Variants in AXDND1 observed in about 807,000 individuals in gnomAD.
AXDND1 encodes axonemal dynein light chain domain containing 1.
A neutral mutation model predicts 137.5 loss-of-function variants in AXDND1; 110 were observed. The ratio of observed to expected loss-of-function variants is 0.80; its 90% CI spans 0.69 to 0.94. The LOEUF (loss-of-function observed/expected upper bound fraction) is 0.94. AXDND1 is among the 40% of genes least tolerant of loss of function. The probability of loss-of-function intolerance (pLI) is 0.00; values close to 1 mark genes in which losing one functional copy is unlikely to be tolerated. For missense variants in AXDND1, 1,191 were observed against 1,169.8 expected, an observed-to-expected ratio of 1.02 and a Z score of -0.26; for synonymous variants, 414 against 399.7, an observed-to-expected ratio of 1.04 and a Z score of -0.43.
chr1:179,456,429 C>T, intron 16 of AXDND1: 1 of 768,504 alleles, frequency 1.3e-6, no homozygotes, highest in Non-Finnish European at 2.4e-6. Context: ...TCCAAAACTG[C>T]TTCCACTACC....
In AXDND1 at chr1:179,552,258, C is replaced by T. The variant is rs1257107385; in HGVS notation, c.3032-2254C>T. 1.1e-5 allele frequency: 4 copies of T among 368,400 alleles called. No individual in the cohort carries two copies. In the East Asian group the frequency reaches 2.6e-4, roughly 24 times the overall value. The allele number at this position is 368,400 out of a possible 1,614,324, so 22.8% of individuals were successfully genotyped here. ...CTTGGGATACAGTTCTAGGGGATAC[C>T]TAGAAGTTAGAAGTTAGGGTGACTA... On this transcript the variant is annotated intron_variant, in intron 25 of 25. Coordinates refer to ENST00000367618, the MANE Select transcript of AXDND1 (RefSeq NM_144696.6).
At chr1:179,526,056 C>T (rs566732947) in intron 22 of AXDND1, among the ~76,000 whole-genome samples, 2 of 152,178 alleles carry the variant, frequency 1.3e-5, no homozygotes, top group South Asian at 2.1e-4. Context: ...ATCTACTTCT[C>T]ACTCTGGTAC....
chr1:179,418,026 G>GT (rs1275359563), intron 12 of AXDND1, among the ~76,000 whole-genome samples: 1 of 149,578 alleles, frequency 6.7e-6, no homozygotes, highest in East Asian at 2.0e-4. Context: ...ATTCTTGGGT[G>GT]TTTCTCGCAG....
intron 16 of AXDND1, among the ~76,000 whole-genome samples, chr1:179,462,345 C>T (rs896218561): frequency 1.1e-4 from 16 of 152,116 alleles, no homozygotes; most frequent in African/African-American, 3.6e-4. Context: ...TGCTGGATTA[C>T]ATTTATCGAT....
chr1:179,502,554 ACT>A (rs1668099102), intron 20 of AXDND1, among the ~76,000 whole-genome samples: 1 of 137,684 alleles, frequency 7.3e-6, no homozygotes, highest in Non-Finnish European at 1.6e-5. Flanking sequence ...AAAGAGCAAA[ACT>A]CTGTCTAAAA....
chr1:179,551,380 G>C, intron 25 of AXDND1: 1 of 1,614,078 alleles, frequency 6.2e-7, no homozygotes, highest in East Asian at 2.2e-5. Context: ...CGGCAGCAGG[G>C]GTGCCTGACA....
chr1:179,429,777 G>A (rs898630759), intron 13 of AXDND1, among the ~76,000 whole-genome samples, 158 bp downstream of exon 13: 8 of 151,388 alleles, frequency 5.3e-5, no homozygotes, highest in Non-Finnish European at 1.0e-4. Context: ...GTGAATAAAG[G>A]CCCTTATTTC....
chr1:179,417,527 A>G (rs1023657522), intron 12 of AXDND1, among the ~76,000 whole-genome samples: 2 of 152,068 alleles, frequency 1.3e-5, no homozygotes, highest in African/African-American at 4.8e-5. Flanking sequence ...ATTTTTGTAT[A>G]TGGTGAGAAA....
At chr1:179,466,172 T>G (rs71630224) in intron 16 of AXDND1, among the ~76,000 whole-genome samples, 25,481 of 151,954 alleles carry the variant, frequency 0.17, 2,487 homozygotes, top group East Asian at 0.35. Context: ...AGTTGGAAAT[T>G]CAGAAATCAC....
chr1:179,448,561 G>A, intron 16 of AXDND1: 1 of 311,452 alleles, frequency 3.2e-6, no homozygotes, highest in Non-Finnish European at 6.3e-6. Flanking sequence ...AAGGGCTACA[G>A]CTGAAATTTT....
At chr1:179,532,866 C>T (rs2125703997) in intron 23 of AXDND1, 1 of 151,594 alleles carries the variant, frequency 6.6e-6, no homozygotes, top group African/African-American at 2.4e-5. Context: ...GCCTGGGTGA[C>T]AGAGCAAGAT....
chr1:179,494,457 T>G (rs1667247307), intron 20 of AXDND1, among the ~76,000 whole-genome samples: 1 of 152,210 alleles, frequency 6.6e-6, no homozygotes, highest in Non-Finnish European at 1.5e-5. Flanking sequence ...TATTATTGAG[T>G]TTAGACAGCT....
intron 12 of AXDND1, among the ~76,000 whole-genome samples, chr1:179,422,736 C>T (rs4268319): frequency 0.76 from 116,100 of 151,980 alleles, 44,670 homozygotes; most frequent in South Asian, 0.83. Flanking sequence ...TAAAATCCCC[C>T]ACTATTATTA....
In AXDND1 at chr1:179,528,327, C is replaced by T; in HGVS notation, c.2611C>T (p.Gln871Ter). The T allele has an allele frequency of 6.2e-7, 1 of 1,611,192 alleles. No individual in the cohort carries two copies. The highest frequency in any genetic ancestry group is 8.5e-7 in the Non-Finnish European group (1 of 1,177,540). Residue 871 changes from glutamine to a stop codon, truncating the protein, a stop_gained and splice_region_variant, in exon 23 of 26, where the codon CAA becomes TAA. Coordinates refer to ENST00000367618, the MANE Select transcript of AXDND1 (RefSeq NM_144696.6). LOFTEE classifies it high-confidence loss of function. Reference protein sequence around the residue: ...QEENKERAEEQPSTSTEKEKL... With the variant: ...QEENKERAEE Reference sequence around the variant, plus strand: ...AGGTCCGCATGTTTCTGTGTTCTAGCAACCTTCAACATCTACAGAGAAGGA... The same window carrying T: ...AGGTCCGCATGTTTCTGTGTTCTAGTAACCTTCAACATCTACAGAGAAGGA...
chr1:179,475,961 T>G (rs1326522140), intron 17 of AXDND1, among the ~76,000 whole-genome samples: 2 of 152,214 alleles, frequency 1.3e-5, no homozygotes, highest in Non-Finnish European at 2.9e-5. Flanking sequence ...AGTGAGTTCT[T>G]ATGCAATATG....
rs532044846 is a variant in AXDND1, at chr1:179,549,691, C to CA, written c.3032-4820dup. On this transcript the variant is annotated intron_variant, in intron 25 of 25. Coordinates refer to ENST00000367618, the MANE Select transcript of AXDND1 (RefSeq NM_144696.6). ...TTGCTATCCTGAGATCAGGAACCGT[C>CA]ATATATGGTGTGAAAAGTGACCAAC... Among the ~76,000 whole-genome samples, 73 of 152,222 alleles carry CA rather than the reference C, an allele frequency of 4.8e-4. No homozygotes were observed. In the South Asian group the frequency reaches 9.1e-3, roughly 19 times the overall value.
intron 15 of AXDND1, among the ~76,000 whole-genome samples, chr1:179,435,992 G>GAA (rs909314054): frequency 6.7e-6 from 1 of 148,670 alleles, no homozygotes; most frequent in Non-Finnish European, 1.5e-5. Flanking sequence ...AAATTTACAA[G>GAA]AAAAAAAAAT....
chr1:179,402,133 T>C (rs1390763142), intron 11 of AXDND1, among the ~76,000 whole-genome samples: 1 of 136,680 alleles, frequency 7.3e-6, no homozygotes, highest in Non-Finnish European at 1.5e-5. Flanking sequence ...CATCATGCAC[T>C]CCAGCCTGGC....
At chr1:179,541,675 A>G (rs72704478) in intron 25 of AXDND1, among the ~76,000 whole-genome samples, 112 of 138,610 alleles carry the variant, frequency 8.1e-4, no homozygotes, top group Non-Finnish European at 1.5e-3. Context: ...TAATATGCAT[A>G]ATAATATTGC....
Sources: allele counts gnomAD v4.1 joint callset (sites outside exome capture counted in the v4.1 genomes callset), GRCh38; gene constraint gnomAD v4.1.1; transcripts MANE v1.5; gene names NCBI Gene and HGNC (gene_info 2026-07-23, HGNC 2026-07-21).